TENT2: variants seen among roughly 807,000 people sequenced by gnomAD.
The protein encoded by TENT2 is terminal nucleotidyltransferase 2.
In TENT2, 44 loss-of-function variants were observed where a neutral mutation model predicts 72.2. That is an observed-to-expected ratio of 0.61 (90% CI 0.48 to 0.78). The LOEUF (loss-of-function observed/expected upper bound fraction) is 0.78, where lower values mean the gene tolerates loss of function less well. Ranked by LOEUF, TENT2 falls within the 30% of genes least tolerant of loss-of-function variation. The probability of loss-of-function intolerance (pLI) is 0.00; values close to 1 mark genes in which losing one functional copy is unlikely to be tolerated. For missense variants in TENT2, 541 were observed against 569.6 expected, an observed-to-expected ratio of 0.95 and a Z score of 0.51; for synonymous variants, 212 against 192.5, an observed-to-expected ratio of 1.10 and a Z score of -0.84.
intron 12 of TENT2, among the ~76,000 whole-genome samples, chr5:79,671,455 A>C (rs1436885520): frequency 2.0e-5 from 3 of 149,618 alleles, no homozygotes; most frequent in African/African-American, 7.4e-5. Flanking sequence ...CCCAGGCTGG[A>C]GTGCAGTGGT....
Position 79,669,037 on chromosome 5 carries a change from A to C in TENT2, c.1208+9A>C. The C allele has an allele frequency of 6.2e-7, 1 of 1,612,956 alleles. No individual in the cohort carries two copies. The highest frequency in any genetic ancestry group is 8.5e-7 in the Non-Finnish European group (1 of 1,179,484). On this transcript the variant is annotated intron_variant, in intron 12 of 14. Coordinates refer to ENST00000453514, the MANE Select transcript of TENT2 (RefSeq NM_001114394.3). ...TATGCTACAGAATTTGAGTAAGTAAAACTTTAAATTGTGTTTGTTCACTTA... is the reference window on the plus strand; with the variant it reads ...TATGCTACAGAATTTGAGTAAGTAACACTTTAAATTGTGTTTGTTCACTTA...
intron 3 of TENT2, among the ~76,000 whole-genome samples, 179 bp downstream of exon 3, chr5:79,620,262 C>A (rs1192356120): frequency 2.0e-5 from 3 of 152,084 alleles, no homozygotes; most frequent in Non-Finnish European, 2.9e-5. Context: ...TTTAGGTGTT[C>A]TTTTGTTGAT....
chr5:79,679,562 T>A lies in TENT2; in HGVS notation c.1209-17T>A, dbSNP rs747967466. ...TTATGAAAATAGTTAACATGGTTAC[T>A]GTTTTTCTTCTTATAGCTGGAATAG... On this transcript the variant is annotated splice_polypyrimidine_tract_variant and intron_variant, in intron 12 of 14. Transcript: ENST00000453514. 6.5e-7 allele frequency: 1 copy of A among 1,540,886 alleles called. No individual in the cohort carries two copies. The highest frequency in any genetic ancestry group is 1.4e-5 in the African/African-American group (1 of 72,438).
At chr5:79,652,912 C>A (rs959130194) in intron 10 of TENT2, among the ~76,000 whole-genome samples, 1 of 151,410 alleles carries the variant, frequency 6.6e-6, no homozygotes, top group Non-Finnish European at 1.5e-5. Flanking sequence ...ACTCTGTTCT[C>A]TTGTGGGTTA....
At chr5:79,633,432 GTTTTTTTT>G (rs539713889) in intron 4 of TENT2, among the ~76,000 whole-genome samples, 10 of 80,350 alleles carry the variant, frequency 1.2e-4, no homozygotes, top group African/African-American at 2.5e-4. Context: ...CAGCTAAAAA[GTTTTTTTT>G]TTTTTTTTTT....
intron 4 of TENT2, among the ~76,000 whole-genome samples, chr5:79,633,521 A>G (rs1047586264): frequency 2.1e-5 from 3 of 145,374 alleles, no homozygotes; most frequent in East Asian, 4.1e-4. Flanking sequence ...GCTCACTGCA[A>G]TCTCCGTCTC....
At chr5:79,639,140 GC>G (rs1782484796) in intron 4 of TENT2, among the ~76,000 whole-genome samples, 2 of 151,942 alleles carry the variant, frequency 1.3e-5, no homozygotes, top group East Asian at 3.9e-4. Flanking sequence ...GGAAAAGGAC[GC>G]CTTTTTTTTT....
At chr5:79,667,167 A>T (rs1808870044) in intron 11 of TENT2, among the ~76,000 whole-genome samples, 1 of 152,190 alleles carries the variant, frequency 6.6e-6, no homozygotes, top group Non-Finnish European at 1.5e-5. Flanking sequence ...ATTTTAAAGG[A>T]AGTACAATCA....
At chr5:79,633,509 C>T (rs1777355525) in intron 4 of TENT2, among the ~76,000 whole-genome samples, 1 of 133,506 alleles carries the variant, frequency 7.5e-6, no homozygotes, top group African/African-American at 2.8e-5. Context: ...GGCTTGATCT[C>T]AGCTCACTGC....
chr5:79,669,762 A>G (rs1279511627), intron 12 of TENT2, among the ~76,000 whole-genome samples: 1 of 151,826 alleles, frequency 6.6e-6, no homozygotes, highest in East Asian at 1.9e-4. Flanking sequence ...ATAAATTGCT[A>G]TTACTAGATG....
At position 79,686,888 on chromosome 5, in the gene TENT2, C is replaced by T. The variant is rs1394958236; in HGVS notation, c.*1615C>T. Among the ~76,000 whole-genome samples, 1 of 152,152 alleles carries T rather than the reference C, an allele frequency of 6.6e-6. No individual in the cohort carries two copies. Among genetic ancestry groups the T allele is most frequent in the Non-Finnish European group, 1.5e-5 (1 of 68,022 alleles). ...GGGGGAATTTTTCCTAAAATTTACA[C>T]TGTGCATCTCTTAATCAGAATGTAC... On this transcript the variant is annotated 3_prime_UTR_variant, in exon 15 of 15. Transcript: ENST00000453514.
At chr5:79,623,543 G>A (rs1766810109) in intron 4 of TENT2, 54 bp downstream of exon 4, 5 of 1,246,428 alleles carry the variant, frequency 4.0e-6, no homozygotes, top group Non-Finnish European at 4.4e-6. Flanking sequence ...TATAAATAAT[G>A]TATTAATCAA....
At chr5:79,618,936 C>T (rs887018882) in intron 1 of TENT2, among the ~76,000 whole-genome samples, 2 of 152,098 alleles carry the variant, frequency 1.3e-5, no homozygotes, top group African/African-American at 2.4e-5. Context: ...GTAGACTTTA[C>T]CTGATCCTCA....
At chr5:79,642,935 G>T (rs374718741) in intron 7 of TENT2, 25 bp downstream of exon 7, 2 of 1,601,772 alleles carry the variant, frequency 1.2e-6, no homozygotes, top group Admixed American at 1.7e-5. Context: ...CCTCAAGTTT[G>T]TATGTCACCT....
Position 79,623,429 on chromosome 5 carries a change from T to A in TENT2, c.405T>A (p.Pro135=). Residue 135 remains proline (P), a synonymous_variant, in exon 4 of 15, where the codon CCT becomes CCA. Coordinates refer to ENST00000453514, the MANE Select transcript of TENT2 (RefSeq NM_001114394.3). The part of the protein sequence containing the change: ...YVPDIVRCVP[P]FREIAFLEPR... The stretch of plus-strand genomic sequence containing the variant: ...CAGATATAGTCAGATGTGTTCCACC[T>A]TTTCGAGAAATTGCATTTTTAGAAC... 6.2e-7 allele frequency: 1 copy of A among 1,611,424 alleles called. No individual in the cohort carries two copies. Among genetic ancestry groups the A allele is most frequent in the Non-Finnish European group, 8.5e-7 (1 of 1,178,746 alleles).
At chr5:79,661,046 AAG>A (rs1318038258) in intron 11 of TENT2, among the ~76,000 whole-genome samples, 11 of 152,198 alleles carry the variant, frequency 7.2e-5, no homozygotes, top group Admixed American at 5.2e-4. Flanking sequence ...GATATAAAGA[AAG>A]AAAATATTGG....
intron 11 of TENT2, among the ~76,000 whole-genome samples, chr5:79,659,935 A>C (rs1801435468): frequency 1.3e-5 from 2 of 152,004 alleles, no homozygotes; most frequent in South Asian, 4.1e-4. Flanking sequence ...AAATAAGTTT[A>C]AGATAAGTTA....
At position 79,659,556 on chromosome 5, in the gene TENT2, GTATATATATATATATATA is replaced by G. The variant is rs71855117; in HGVS notation, c.1071+2576_1071+2593del. 6.9e-3 allele frequency among the ~76,000 whole-genome samples: 236 copies of G among 34,274 alleles called. 4 individuals carry two copies. Among genetic ancestry groups the G allele is most frequent in the East Asian group, 8.9e-3 (6 of 676 alleles). The allele number at this position is 34,274 out of a possible 152,430, so 22.5% of individuals were successfully genotyped here. ...CAAAAAAAAAAAAAAAAAAAAAAAT[GTATATATATATATATATA>G]TATATATATATATATATATAATAGC... On this transcript the variant is annotated intron_variant, in intron 11 of 14. Transcript: ENST00000453514.
At chr5:79,662,739 C>A (rs545134622) in intron 11 of TENT2, among the ~76,000 whole-genome samples, 15 of 152,206 alleles carry the variant, frequency 9.9e-5, no homozygotes, top group Non-Finnish European at 1.6e-4. Flanking sequence ...GTAAATTTAG[C>A]ATAATTCTTA....
Sources: allele counts gnomAD v4.1 joint callset (sites outside exome capture counted in the v4.1 genomes callset), GRCh38; gene constraint gnomAD v4.1.1; transcripts MANE v1.5; gene names NCBI Gene and HGNC (gene_info 2026-07-23, HGNC 2026-07-21).